Variants in PPP1R37 observed in about 807,000 individuals in gnomAD.
PPP1R37 encodes leucine rich repeat containing 68.
A neutral mutation model predicts 61.0 loss-of-function variants in PPP1R37; 21 were observed. The observed-to-expected ratio is 0.34, with a 90% CI of 0.24 to 0.50. PPP1R37 has a LOEUF of 0.50. Among genes scored for constraint, PPP1R37 ranks in the 20% least tolerant of loss-of-function variants. The pLI, the probability that PPP1R37 is intolerant of heterozygous loss-of-function variation, is 0.98. For missense variants in PPP1R37, 910 were observed against 952.7 expected (o/e 0.96, Z 0.59); for synonymous variants, 443 against 433.5 (o/e 1.02, Z -0.27).
intron 1 of PPP1R37, among the ~76,000 whole-genome samples, chr19:45,093,797 GTT>G (rs1967955990): frequency 6.6e-6 from 1 of 152,192 alleles, no homozygotes; most frequent in Non-Finnish European, 1.5e-5. Context: ...ATTAAAGAAA[GTT>G]TGGTGTTTTG....
At chr19:45,117,291 A>G (rs1000480326) in intron 1 of PPP1R37, among the ~76,000 whole-genome samples, 4 of 151,960 alleles carry the variant, frequency 2.6e-5, no homozygotes, top group African/African-American at 4.8e-5. Context: ...AAGCTGTCAG[A>G]GGGAGGGAAG....
intron 2 of PPP1R37, among the ~76,000 whole-genome samples, chr19:45,139,407 G>T (rs2122752093): frequency 6.6e-6 from 1 of 152,364 alleles, no homozygotes; most frequent in African/African-American, 2.4e-5. Flanking sequence ...CTATTGAGGG[G>T]TACCTGCTGG....
Position 45,145,998 on chromosome 19 carries a change from G to T in PPP1R37, c.1942G>T (p.Glu648Ter), listed in dbSNP as rs1212653436. Reference protein sequence around the residue: ...KPEFALALPPEPPPGPEVKGG... With the variant: ...KPEFALALPP ...CGAGTTCGCCCTGGCACTGCCCCCT[G>T]AGCCGCCCCCGGGGCCTGAGGTCAA... is the stretch of plus-strand genomic sequence containing the variant. The change falls in exon 11 of 13, where the codon GAG becomes TAG. Residue 648 changes from glutamate (E) to a stop codon, truncating the protein, a stop_gained. Transcript: ENST00000221462. LOFTEE classifies it high-confidence loss of function. 6.5e-7 allele frequency: 1 copy of T among 1,533,692 alleles called. No individual in the cohort carries two copies. The highest frequency in any genetic ancestry group is 8.7e-7 in the Non-Finnish European group (1 of 1,145,772).
At position 45,093,592 on chromosome 19, in the gene PPP1R37, C is replaced by T; in HGVS notation, c.202+65C>T. ...ACCCGGGAGTCGGGAGGGATCGGTGCAGGGCCCGGCTCGAGGTGGCGTTCA... is the reference window on the plus strand; with the variant it reads ...ACCCGGGAGTCGGGAGGGATCGGTGTAGGGCCCGGCTCGAGGTGGCGTTCA... On this transcript the variant is annotated intron_variant, in intron 1 of 12. Transcript: ENST00000221462. 7.7e-6 allele frequency: 10 copies of T among 1,298,614 alleles called. No individual in the cohort carries two copies. The South Asian group carries it at 1.3e-4, about 17-fold the overall frequency. 80.4% of individuals were successfully genotyped at this position (1,298,614 alleles called of 1,614,324 possible).
Position 45,145,084 on chromosome 19 carries a change from G to T in PPP1R37, c.1130-10G>T, listed in dbSNP as rs762197556. 3 of 1,531,380 alleles carry T rather than the reference G, an allele frequency of 2.0e-6. No homozygotes were observed. The African/African-American group carries it at 4.1e-5, about 21-fold the overall frequency. The allele number at this position is 1,531,380 out of a possible 1,614,324, so 94.9% of individuals were successfully genotyped here. ...GGGGCCCGTGGCCAGCCCCTGCGGT[G>T]CCCCCCCAGGCGCGGTGGCGGTGGC... On this transcript the variant is annotated splice_polypyrimidine_tract_variant and intron_variant, in intron 9 of 12. Transcript: ENST00000221462.
chr19:45,120,578 A>G (rs1968329816), intron 1 of PPP1R37, among the ~76,000 whole-genome samples: 2 of 152,120 alleles, frequency 1.3e-5, no homozygotes, highest in African/African-American at 2.4e-5. Context: ...CTTTGCAAGT[A>G]TGTCTGTAGG....
At chr19:45,125,230 C>T (rs1968389511) in intron 1 of PPP1R37, among the ~76,000 whole-genome samples, 1 of 151,972 alleles carries the variant, frequency 6.6e-6, no homozygotes, top group South Asian at 2.1e-4. Flanking sequence ...TTTGGGAGGC[C>T]GAGGCGGGCG....
chr19:45,117,188 C>T (rs535466156), intron 1 of PPP1R37, among the ~76,000 whole-genome samples: 6 of 152,212 alleles, frequency 3.9e-5, no homozygotes, highest in African/African-American at 9.6e-5. Context: ...GCTGGGATTA[C>T]AGGTGTGAGC....
At chr19:45,134,849 T>C (rs1438614151) in intron 1 of PPP1R37, among the ~76,000 whole-genome samples, 1 of 152,146 alleles carries the variant, frequency 6.6e-6, no homozygotes, top group East Asian at 1.9e-4. Context: ...TTCCAGACCC[T>C]GTAGGTGCCC....
chr19:45,107,943 C>G, intron 1 of PPP1R37, among the ~76,000 whole-genome samples: 1 of 152,200 alleles, frequency 6.6e-6, no homozygotes, highest in Non-Finnish European at 1.5e-5. Flanking sequence ...CGTTTAGGTC[C>G]TTTCCAGTTT....
chr19:45,127,848 G>T (rs1033293933), intron 1 of PPP1R37, among the ~76,000 whole-genome samples: 1 of 151,872 alleles, frequency 6.6e-6, no homozygotes, highest in African/African-American at 2.4e-5. Flanking sequence ...GGTGGCACAT[G>T]CCTGTAGTTC....
intron 1 of PPP1R37, among the ~76,000 whole-genome samples, chr19:45,110,177 G>A (rs978083103): frequency 1.3e-5 from 2 of 149,962 alleles, no homozygotes; most frequent in South Asian, 4.2e-4. Flanking sequence ...GTGCTGTGGC[G>A]TGGTCATGGC....
intron 1 of PPP1R37, among the ~76,000 whole-genome samples, chr19:45,115,530 C>T (rs746915390): frequency 1.4e-4 from 21 of 152,072 alleles, no homozygotes; most frequent in Admixed American, 3.3e-4. Context: ...TGCTCAGGCT[C>T]GAATCCCGGC....
chr19:45,095,626 G>A (rs1331776366), intron 1 of PPP1R37, among the ~76,000 whole-genome samples: 1 of 151,956 alleles, frequency 6.6e-6, no homozygotes, highest in African/African-American at 2.4e-5. Flanking sequence ...AGCCAGGTGT[G>A]GTGGTGCACG....
rs200998937 is a variant in PPP1R37 at position 45,125,320 on chromosome 19, G to A, written c.203-13194G>A. ...TCTACTAAAAATACAAAAATTAGCC[G>A]GGTGTGGTGGCGCGTGCCTGTAGTC... is the stretch of plus-strand genomic sequence containing the variant. On this transcript the variant is annotated intron_variant, in intron 1 of 12. Transcript: ENST00000221462. Among the ~76,000 whole-genome samples, 28 of 152,080 alleles carry A rather than the reference G, an allele frequency of 1.8e-4. No homozygotes were observed. The East Asian group carries it at 4.8e-3, about 26-fold the overall frequency.
chr19:45,146,788 ACT>A lies in PPP1R37; in HGVS notation c.*229_*230del, dbSNP rs1307132642. ...CTATTTATGAGCCCAGCACTGGAAG[ACT>A]CTGGGGGTGAATGGGAGGAGGGGGA... is the stretch of plus-strand genomic sequence containing the variant. On this transcript the variant is annotated 3_prime_UTR_variant, in exon 13 of 13. Transcript: ENST00000221462. The A allele has an allele frequency of 3.5e-5, 9 of 257,660 alleles. No individual in the cohort carries two copies. Among genetic ancestry groups the A allele is most frequent in the Non-Finnish European group, 6.9e-5 (9 of 130,372 alleles). 16.0% of individuals were successfully genotyped at this position (257,660 alleles called of 1,614,324 possible). A position where few individuals can be genotyped will look rare whatever the true frequency, so the allele number is the denominator to read the frequency against.
intron 2 of PPP1R37, among the ~76,000 whole-genome samples, chr19:45,138,905 C>CTTTTTTT (rs34081163): frequency 2.8e-3 from 202 of 73,028 alleles, no homozygotes; most frequent in Non-Finnish European, 2.9e-3. Flanking sequence ...TTTATGTATT[C>CTTTTTTT]TTTTTTTTTT....
In PPP1R37 at chr19:45,111,007, A is replaced by G. The variant is rs1384715536; in HGVS notation, c.202+17480A>G. Among the ~76,000 whole-genome samples, 4 of 151,972 alleles carry G rather than the reference A, an allele frequency of 2.6e-5. No homozygotes were observed. The East Asian group carries it at 7.7e-4, about 29-fold the overall frequency. ...CCCCTTTCCCGAGCCTGGCCCTGTCACCTACTGAGGACTTGGGTGGGTGGC... is the reference window on the plus strand; with the variant it reads ...CCCCTTTCCCGAGCCTGGCCCTGTCGCCTACTGAGGACTTGGGTGGGTGGC... On this transcript the variant is annotated intron_variant, in intron 1 of 12. Coordinates refer to ENST00000221462, the MANE Select transcript of PPP1R37 (RefSeq NM_019121.2).
At chr19:45,104,618 C>T (rs1393582773) in intron 1 of PPP1R37, among the ~76,000 whole-genome samples, 1 of 152,192 alleles carries the variant, frequency 6.6e-6, no homozygotes, top group Non-Finnish European at 1.5e-5. Flanking sequence ...CCCCACCTAG[C>T]AGCCACAGCA....
Sources: gnomAD v4.1 joint callset for allele counts (sites outside exome capture counted in the v4.1 genomes callset) on GRCh38, gnomAD v4.1.1 for gene constraint, MANE v1.5 for transcripts, NCBI Gene and HGNC (gene_info 2026-07-23, HGNC 2026-07-21) for gene names.